The following SH3KBP1 variants were observed in gnomAD, a reference collection of about 807,000 sequenced individuals.
The protein encoded by SH3KBP1 is SH3 domain-containing kinase-binding protein 1.
A neutral mutation model predicts 50.1 loss-of-function variants in SH3KBP1; 8 were observed. The ratio of observed to expected loss-of-function variants is 0.16; its 90% CI spans 0.09 to 0.29. The LOEUF (loss-of-function observed/expected upper bound fraction) is 0.29, where lower values mean the gene tolerates loss of function less well. Among genes scored for constraint, SH3KBP1 ranks in the 10% least tolerant of loss-of-function variants. SH3KBP1 has a pLI of 1.00. For missense variants in SH3KBP1, 377 were observed against 535.2 expected, an observed-to-expected ratio of 0.70 and a Z score of 2.92; for synonymous variants, 227 against 218.6, an observed-to-expected ratio of 1.04 and a Z score of -0.34.
chrX:19,730,001 G>A (rs1216233127), intron 3 of SH3KBP1, among the ~76,000 whole-genome samples: 2 of 110,948 alleles, frequency 1.8e-5, no homozygotes, highest in African/African-American at 6.6e-5. Flanking sequence ...GTAACTGAGC[G>A]ATTTTTTTTT....
intron 3 of SH3KBP1, among the ~76,000 whole-genome samples, chrX:19,711,471 T>C (rs1302445684): frequency 9.0e-6 from 1 of 111,688 alleles, no homozygotes; most frequent in Non-Finnish European, 1.9e-5. Flanking sequence ...GTGAAAACTT[T>C]ACTAGGCCAA....
chrX:19,753,268 C>A (rs1764822180), intron 2 of SH3KBP1, among the ~76,000 whole-genome samples: 1 of 112,165 alleles, frequency 8.9e-6, no homozygotes, highest in Non-Finnish European at 1.9e-5. Flanking sequence ...TTGCTTTCTG[C>A]AGGAAAGGCT....
intron 2 of SH3KBP1, among the ~76,000 whole-genome samples, chrX:19,751,368 G>GT (rs1480441989): frequency 2.7e-5 from 3 of 111,045 alleles, no homozygotes; most frequent in Non-Finnish European, 5.7e-5. Context: ...TCAGGCCCGT[G>GT]TTTTTTTGCC....
chrX:19,607,904 C>T (rs774367357), intron 9 of SH3KBP1, 34 bp downstream of exon 9: 13 of 1,144,527 alleles, frequency 1.1e-5, no homozygotes, highest in East Asian at 3.0e-5. Flanking sequence ...ATGGGAGCCA[C>T]AACTCCGCTG....
intron 6 of SH3KBP1, among the ~76,000 whole-genome samples, chrX:19,652,446 CT>C (rs1328376738): frequency 9.0e-6 from 1 of 111,420 alleles, no homozygotes; most frequent in Non-Finnish European, 1.9e-5. Context: ...AAGACTCTCA[CT>C]TTGATGGGTG....
chrX:19,670,731 C>T (rs1375881718), intron 6 of SH3KBP1: 1 of 649,504 alleles, frequency 1.5e-6, no homozygotes, highest in African/African-American at 2.4e-5. Flanking sequence ...TCCTAGCTGG[C>T]ACACACATTG....
chrX:19,887,369 G>A lies in SH3KBP1; in HGVS notation c.-59C>T. 6.5e-6 allele frequency: 6 copies of A among 927,403 alleles called. No individual in the cohort carries two copies. Among genetic ancestry groups the A allele is most frequent in the South Asian group, 4.7e-5 (1 of 21,396 alleles). 76.4% of individuals were successfully genotyped at this position (927,403 alleles called of 1,213,427 possible). A position where few individuals can be genotyped will look rare whatever the true frequency, so the allele number is the denominator to read the frequency against. On this transcript the variant is annotated 5_prime_UTR_variant, in exon 1 of 18. Coordinates refer to ENST00000397821, the MANE Select transcript of SH3KBP1 (RefSeq NM_031892.3). ...GTGAAAGTTGGCGGAGGCGGGCGTG[G>A]GGGTTGGGGCGCCGGGATCGGGGCG... is the stretch of plus-strand genomic sequence containing the variant.
chrX:19,634,031 G>GGTGT (rs60109180), intron 7 of SH3KBP1, among the ~76,000 whole-genome samples: 634 of 32,119 alleles, frequency 0.02, 6 homozygotes, highest in Middle Eastern at 0.041. Context: ...TTTGTTCCCT[G>GGTGT]GTGTGTGTGT....
At chrX:19,601,960 T>A (rs1480194818) in intron 9 of SH3KBP1, among the ~76,000 whole-genome samples, 1 of 111,066 alleles carries the variant, frequency 9.0e-6, no homozygotes, top group East Asian at 2.8e-4. Flanking sequence ...GTGGTCTACA[T>A]CCATCATCTC....
At chrX:19,788,078 G>A (rs188203976) in intron 2 of SH3KBP1, among the ~76,000 whole-genome samples, 5 of 110,152 alleles carry the variant, frequency 4.5e-5, no homozygotes, top group East Asian at 2.8e-4. Context: ...TTTGAGTGGC[G>A]CTAATCCAAT....
At chrX:19,793,313 A>ATAT (rs1556379944) in intron 2 of SH3KBP1, among the ~76,000 whole-genome samples, 21 of 96,972 alleles carry the variant, frequency 2.2e-4, no homozygotes, top group Admixed American at 1.0e-3. Flanking sequence ...AGGAAAAAAA[A>ATAT]ATATATATAT....
At chrX:19,744,268 GA>G (rs896397724) in intron 3 of SH3KBP1, among the ~76,000 whole-genome samples, 26 of 112,291 alleles carry the variant, frequency 2.3e-4, no homozygotes, top group African/African-American at 7.1e-4. Flanking sequence ...TTTAAGGGGG[GA>G]AAAAAGTGTT....
At chrX:19,781,446 G>A (rs776995484) in intron 2 of SH3KBP1, among the ~76,000 whole-genome samples, 3 of 109,938 alleles carry the variant, frequency 2.7e-5, no homozygotes, top group African/African-American at 6.6e-5. Flanking sequence ...AGTGAAACCC[G>A]TCTAAACAAC....
At chrX:19,859,230 C>A (rs957224620) in intron 1 of SH3KBP1, among the ~76,000 whole-genome samples, 13 of 110,347 alleles carry the variant, frequency 1.2e-4, no homozygotes, top group Non-Finnish European at 1.9e-4. Flanking sequence ...CTCACTGCAA[C>A]CTCTGCCTCC....
At chrX:19,713,866 C>T (rs184723625) in intron 3 of SH3KBP1, among the ~76,000 whole-genome samples, 78 of 111,953 alleles carry the variant, frequency 7.0e-4, no homozygotes, top group Middle Eastern at 4.6e-3. Context: ...TCTACCTCCA[C>T]GAGATCAACC....
At chrX:19,636,849 T>C (rs1311694028) in intron 7 of SH3KBP1, among the ~76,000 whole-genome samples, 2 of 112,349 alleles carry the variant, frequency 1.8e-5, no homozygotes, top group East Asian at 2.8e-4. Context: ...CAAAACCCCA[T>C]GTGTCATAGG....
chrX:19,707,178 T>C (rs2063669822), intron 3 of SH3KBP1, 194 bp from the exon 4 acceptor site: 1 of 532,047 alleles, frequency 1.9e-6, no homozygotes, highest in African/African-American at 2.3e-5. Context: ...CTTGGTCTTT[T>C]AAAAGCTGCT....
chrX:19,797,224 G>T (rs2066740964), intron 2 of SH3KBP1, among the ~76,000 whole-genome samples: 1 of 111,906 alleles, frequency 8.9e-6, no homozygotes, highest in Admixed American at 9.5e-5. Flanking sequence ...AATGGAGAAA[G>T]GAAACTCAAG....
intron 2 of SH3KBP1, among the ~76,000 whole-genome samples, chrX:19,770,385 T>C (rs1013636772): frequency 1.8e-5 from 2 of 112,542 alleles, no homozygotes; most frequent in Non-Finnish European, 3.7e-5. Context: ...TTCTTTTTTA[T>C]GGCTGCATAG....
Sources: gnomAD v4.1 joint callset for allele counts (sites outside exome capture counted in the v4.1 genomes callset) on GRCh38, gnomAD v4.1.1 for gene constraint, MANE v1.5 for transcripts, NCBI Gene and HGNC (gene_info 2026-07-23, HGNC 2026-07-21) for gene names.